The following TACR3 variants were observed in gnomAD, a reference collection of about 807,000 sequenced individuals.
TACR3 encodes tachykinin receptor 3.
Under a neutral mutation model 35.0 loss-of-function variants are expected in TACR3, and 34 were observed. The observed-to-expected ratio is 0.97, with a 90% CI of 0.74 to 1.30. The LOEUF (loss-of-function observed/expected upper bound fraction) is 1.30. Ranked by LOEUF, TACR3 falls within the 50% of genes most tolerant of loss-of-function variation. The pLI, the probability that TACR3 is intolerant of heterozygous loss-of-function variation, is 0.00. For missense variants in TACR3, 558 were observed against 591.7 expected (o/e 0.94, Z 0.59); for synonymous variants, 233 against 221.1 (o/e 1.05, Z -0.48).
intron 3 of TACR3, among the ~76,000 whole-genome samples, chr4:103,595,174 C>T (rs995563048): frequency 1.1e-4 from 16 of 152,154 alleles, no homozygotes; most frequent in African/African-American, 3.6e-4. Flanking sequence ...TATTGCATGG[C>T]TGAACAATGG....
rs138279254 is a variant in TACR3, at chr4:103,662,509, C to T, written c.549-4106G>A. On this transcript the variant is annotated intron_variant, in intron 1 of 4. Transcript: ENST00000304883. ...TTCTGGGATTACAGGCATGAGCCAC[C>T]GCCCCAGCCTGATGGTGGGTTTTTA... 7.2e-3 allele frequency among the ~76,000 whole-genome samples: 1,090 copies of T among 151,908 alleles called. 6 individuals are homozygous for T. The highest frequency in any genetic ancestry group is 0.012 in the Non-Finnish European group (835 of 67,856).
chr4:103,599,458 T>C (rs149559444), intron 3 of TACR3, among the ~76,000 whole-genome samples: 62 of 152,220 alleles, frequency 4.1e-4, no homozygotes, highest in African/African-American at 6.3e-4. Context: ...CCTTCTCCTG[T>C]CTGATTGCCC....
At chr4:103,656,946 AAAAACAAAAC>A (rs143039935) in intron 2 of TACR3, among the ~76,000 whole-genome samples, 17 of 150,978 alleles carry the variant, frequency 1.1e-4, no homozygotes, top group African/African-American at 3.2e-4. Context: ...TTAACTTGGT[AAAAACAAAAC>A]AAAACAAAAC....
At position 103,588,030 on chromosome 4, in the gene TACR3, A is replaced by T. The variant is rs1723809464; in HGVS notation, c.*1652T>A. The T allele has an allele frequency of 6.6e-6, 1 of 151,760 alleles. No individual in the cohort carries two copies. Among genetic ancestry groups the T allele is most frequent in the South Asian group, 2.1e-4 (1 of 4,808 alleles). 9.4% of individuals were successfully genotyped at this position (151,760 alleles called of 1,614,324 possible). ...TTTGTTTATTGGTATCATCAGAAGA[A>T]ATTCAGCTGGAACACATATGTTTAG... On this transcript the variant is annotated 3_prime_UTR_variant, in exon 5 of 5. Coordinates refer to ENST00000304883, the MANE Select transcript of TACR3 (RefSeq NM_001059.3).
At chr4:103,716,521 A>C (rs1214715185) in intron 1 of TACR3, among the ~76,000 whole-genome samples, 1 of 152,150 alleles carries the variant, frequency 6.6e-6, no homozygotes, top group Non-Finnish European at 1.5e-5. Flanking sequence ...AGTGCTGAAC[A>C]CTTCAAGGAA....
At chr4:103,590,592 G>GAA (rs34001520) in intron 4 of TACR3, among the ~76,000 whole-genome samples, 67 of 150,518 alleles carry the variant, frequency 4.5e-4, no homozygotes, top group African/African-American at 6.3e-4. Context: ...TGCAATTAGT[G>GAA]AAAAAAAAAG....
In TACR3 at chr4:103,629,857, A is replaced by C. The variant is rs1441178439; in HGVS notation, c.888+26337T>G. Among the ~76,000 whole-genome samples, 95 of 117,144 alleles carry C rather than the reference A, an allele frequency of 8.1e-4. 4 individuals are homozygous for C. The highest frequency in any genetic ancestry group is 3.1e-3 in the African/African-American group (90 of 28,958). 76.9% of individuals were successfully genotyped at this position (117,144 alleles called of 152,430 possible). On this transcript the variant is annotated intron_variant, in intron 3 of 4. Transcript: ENST00000304883. ...AGACAATCCTAAGCAAAACAAAAAA[A>C]AAACAAAAAAAAAACAAAAAAAACA... is the stretch of plus-strand genomic sequence containing the variant.
At chr4:103,667,926 T>G (rs1480978720) in intron 1 of TACR3, among the ~76,000 whole-genome samples, 1 of 152,104 alleles carries the variant, frequency 6.6e-6, no homozygotes, top group African/African-American at 2.4e-5. Flanking sequence ...CCTCCTGGGC[T>G]CAAGTGATCC....
intron 1 of TACR3, among the ~76,000 whole-genome samples, chr4:103,671,845 T>C (rs746306355): frequency 3.9e-5 from 6 of 152,078 alleles, no homozygotes; most frequent in Admixed American, 2.0e-4. Flanking sequence ...TAATGAAGTT[T>C]ACCACATCAA....
intron 1 of TACR3, among the ~76,000 whole-genome samples, chr4:103,664,971 T>G (rs1484554823): frequency 1.3e-5 from 2 of 151,444 alleles, no homozygotes; most frequent in Non-Finnish European, 3.0e-5. Context: ...CTGGCTAGTT[T>G]TTTTTTTTTT....
intron 1 of TACR3, among the ~76,000 whole-genome samples, chr4:103,675,533 A>G (rs58143598): frequency 0.15 from 23,445 of 152,194 alleles, 2,364 homozygotes; most frequent in East Asian, 0.43. Flanking sequence ...AAATTGATGT[A>G]GAATGAATGT....
intron 3 of TACR3, among the ~76,000 whole-genome samples, chr4:103,639,261 TA>T (rs34676017): frequency 0.44 from 67,117 of 151,836 alleles, 17,989 homozygotes; most frequent in African/African-American, 0.77. Flanking sequence ...TATGCAGCCA[TA>T]AAAAAATGAT....
At chr4:103,707,716 G>A (rs1159755022) in intron 1 of TACR3, among the ~76,000 whole-genome samples, 3 of 152,078 alleles carry the variant, frequency 2.0e-5, no homozygotes, top group Non-Finnish European at 2.9e-5. Flanking sequence ...CGCCTCACCT[G>A]GGAAGCACAA....
rs960963478 is a variant in TACR3 at position 103,591,478 on chromosome 4, T to C, written c.1085+9A>G. On this transcript the variant is annotated intron_variant, in intron 4 of 4. Transcript: ENST00000304883. ...ACAAGCAACTTGCATTTCGTAGTTT[T>C]GTTTTTACCTTTTATTCAGACAGCA... The C allele has an allele frequency of 2.0e-5, 32 of 1,613,528 alleles. No homozygotes were observed. The highest frequency in any genetic ancestry group is 2.7e-5 in the Non-Finnish European group (32 of 1,179,668).
At chr4:103,671,125 G>A (rs1371541662) in intron 1 of TACR3, among the ~76,000 whole-genome samples, 2 of 151,724 alleles carry the variant, frequency 1.3e-5, no homozygotes, top group Non-Finnish European at 3.0e-5. Context: ...TGGATTTGAT[G>A]TGAATCTCAC....
At position 103,589,814 on chromosome 4, in the gene TACR3, C is replaced by A; in HGVS notation, c.1266G>T (p.Arg422Ser). 6.2e-7 allele frequency: 1 copy of A among 1,613,960 alleles called. No individual in the cohort carries two copies. The highest frequency in any genetic ancestry group is 1.3e-5 in the African/African-American group (1 of 75,026). The part of the protein sequence containing the change: ...VFDPNDADTT[R>S]SSRKKRATPR... ...GCGTTGCTCTTTTCTTCCGACTGGA[C>A]CTGGTGGTGTCTGCATCGTTGGGGT... Residue 422 changes from arginine to serine, a missense_variant, in exon 5 of 5, where the codon AGG becomes AGT. Coordinates refer to ENST00000304883, the MANE Select transcript of TACR3 (RefSeq NM_001059.3).
At chr4:103,649,338 G>C (rs1215963077) in intron 3 of TACR3, among the ~76,000 whole-genome samples, 2 of 151,890 alleles carry the variant, frequency 1.3e-5, no homozygotes, top group Non-Finnish European at 2.9e-5. Flanking sequence ...GTGCTTGTTG[G>C]GTATTACTCA....
intron 1 of TACR3, among the ~76,000 whole-genome samples, chr4:103,666,256 A>G (rs17033972): frequency 0.031 from 4,663 of 152,286 alleles, 232 homozygotes; most frequent in African/African-American, 0.11. Flanking sequence ...TATAACTTCC[A>G]CAAGAAAGCA....
At chr4:103,688,088 A>G (rs1458898981) in intron 1 of TACR3, among the ~76,000 whole-genome samples, 1 of 152,164 alleles carries the variant, frequency 6.6e-6, no homozygotes, top group Admixed American at 6.5e-5. Flanking sequence ...CTCAGAAATA[A>G]TGCCGCATAT....
Sources: allele counts gnomAD v4.1 joint callset (sites outside exome capture counted in the v4.1 genomes callset), GRCh38; gene constraint gnomAD v4.1.1; transcripts MANE v1.5; gene names NCBI Gene and HGNC (gene_info 2026-07-23, HGNC 2026-07-21).